NKAIN3: variants seen among roughly 807,000 people sequenced by gnomAD.
NKAIN3 encodes the protein sodium/potassium-transporting ATPase subunit beta-1-interacting protein 3.
A neutral mutation model predicts 30.2 loss-of-function variants in NKAIN3; 25 were observed. That is an observed-to-expected ratio of 0.83 (90% CI 0.60 to 1.16). The LOEUF (loss-of-function observed/expected upper bound fraction) is 1.16, where lower values mean the gene tolerates loss of function less well. Among genes scored for constraint, NKAIN3 ranks in the 50% most tolerant of loss-of-function variants. NKAIN3 has a pLI of 0.00. For synonymous variants in NKAIN3, 91 were observed against 89.6 expected, an observed-to-expected ratio of 1.02 and a Z score of -0.09; for missense variants, 225 against 254.1, an observed-to-expected ratio of 0.89 and a Z score of 0.78.
intron 3 of NKAIN3, among the ~76,000 whole-genome samples, chr8:62,674,666 A>G (rs1813416523): frequency 6.6e-6 from 1 of 152,132 alleles, no homozygotes; most frequent in Admixed American, 6.6e-5. Flanking sequence ...GTAGATTTTG[A>G]TTGGACATGA....
In NKAIN3 at chr8:62,392,268, A is replaced by T. The variant is rs1167937288; in HGVS notation, c.54+143141A>T. 2.0e-5 allele frequency among the ~76,000 whole-genome samples: 3 copies of T among 152,066 alleles called. No individual in the cohort carries two copies. The East Asian group carries it at 5.8e-4, about 29-fold the overall frequency. ...CACAGTAATTTAAAACCAAATAAAC[A>T]TGTAACAAAGGGAAATATATTTATT... On this transcript the variant is annotated intron_variant, in intron 1 of 6. Transcript: ENST00000623646.
At chr8:62,596,822 G>C (rs1255271682) in intron 3 of NKAIN3, among the ~76,000 whole-genome samples, 1 of 152,060 alleles carries the variant, frequency 6.6e-6, no homozygotes, top group Non-Finnish European at 1.5e-5. Flanking sequence ...GCAATTACTT[G>C]TTGACAGTTA....
At chr8:62,399,004 T>C (rs1017855635) in intron 1 of NKAIN3, among the ~76,000 whole-genome samples, 7 of 152,068 alleles carry the variant, frequency 4.6e-5, no homozygotes, top group Non-Finnish European at 8.8e-5. Context: ...GGCAGGAGAA[T>C]CACTTGAACC....
intron 1 of NKAIN3, among the ~76,000 whole-genome samples, chr8:62,363,216 C>T (rs1057363407): frequency 4.6e-5 from 7 of 152,164 alleles, no homozygotes; most frequent in Admixed American, 1.3e-4. Context: ...TACTTGGTAA[C>T]GCTGTTACCC....
intron 1 of NKAIN3, among the ~76,000 whole-genome samples, chr8:62,453,948 G>A (rs1805729320): frequency 1.3e-5 from 2 of 152,020 alleles, no homozygotes; most frequent in South Asian, 4.1e-4. Context: ...CACCTTCCTT[G>A]TATAAGGAAG....
chr8:62,937,257 T>G (rs1180089935), intron 5 of NKAIN3, among the ~76,000 whole-genome samples: 2 of 152,112 alleles, frequency 1.3e-5, no homozygotes, highest in African/African-American at 4.8e-5. Context: ...CAAGAACTAC[T>G]GCAGGAACAT....
intron 3 of NKAIN3, among the ~76,000 whole-genome samples, chr8:62,632,619 C>T (rs2130270431): frequency 6.6e-6 from 1 of 152,176 alleles, no homozygotes; most frequent in East Asian, 1.9e-4. Context: ...TCTCCTTCCT[C>T]AGCCTCCCGA....
At chr8:62,867,776 T>G (rs1820473751) in intron 4 of NKAIN3, among the ~76,000 whole-genome samples, 1 of 152,246 alleles carries the variant, frequency 6.6e-6, no homozygotes, top group South Asian at 2.1e-4. Context: ...ATATGACATA[T>G]TTTTCATAAC....
At chr8:62,345,920 C>T (rs1342706971) in intron 1 of NKAIN3, among the ~76,000 whole-genome samples, 1 of 151,974 alleles carries the variant, frequency 6.6e-6, no homozygotes, top group East Asian at 1.9e-4. Flanking sequence ...TCATTTGCGG[C>T]AACATAGATG....
chr8:62,358,171 T>A (rs938588307), intron 1 of NKAIN3, among the ~76,000 whole-genome samples: 2 of 151,764 alleles, frequency 1.3e-5, no homozygotes, highest in African/African-American at 4.8e-5. Flanking sequence ...ATTATGTCAC[T>A]GATAGTTTTA....
chr8:62,390,122 T>C (rs1475453508), intron 1 of NKAIN3, among the ~76,000 whole-genome samples: 1 of 152,162 alleles, frequency 6.6e-6, no homozygotes, highest in Non-Finnish European at 1.5e-5. Flanking sequence ...TGGGGTTTTT[T>C]GTGCAATTAT....
chr8:62,674,304 T>C (rs1170652406), intron 3 of NKAIN3, among the ~76,000 whole-genome samples: 2 of 152,176 alleles, frequency 1.3e-5, no homozygotes, highest in Non-Finnish European at 2.9e-5. Context: ...CCAGGTGAAC[T>C]TATGCAAAAA....
chr8:62,486,932 C>T (rs1353139656), intron 1 of NKAIN3, among the ~76,000 whole-genome samples: 1 of 152,122 alleles, frequency 6.6e-6, no homozygotes, highest in African/African-American at 2.4e-5. Flanking sequence ...GATGGCCCAA[C>T]GAAGTGGAAG....
At chr8:62,796,832 A>ACTGTT (rs2130684248) in intron 4 of NKAIN3, among the ~76,000 whole-genome samples, 1 of 150,638 alleles carries the variant, frequency 6.6e-6, no homozygotes, top group South Asian at 2.1e-4. Flanking sequence ...TCATGAACAC[A>ACTGTT]CATTGAGCTT....
chr8:62,293,102 T>C (rs1040063119), intron 1 of NKAIN3, among the ~76,000 whole-genome samples: 3 of 152,228 alleles, frequency 2.0e-5, no homozygotes, highest in African/African-American at 7.2e-5. Flanking sequence ...AGGACTTCTC[T>C]ACACTGTTTA....
chr8:62,478,462 A>G (rs969343397), intron 1 of NKAIN3, among the ~76,000 whole-genome samples: 2 of 152,194 alleles, frequency 1.3e-5, no homozygotes, highest in Non-Finnish European at 2.9e-5. Flanking sequence ...TATAATTCAC[A>G]GAAGAACTGA....
intron 1 of NKAIN3, among the ~76,000 whole-genome samples, chr8:62,544,923 G>T (rs1214137025): frequency 1.3e-5 from 2 of 152,100 alleles, no homozygotes; most frequent in Non-Finnish European, 2.9e-5. Context: ...ATAAACTGGA[G>T]AAAAGAGAAT....
chr8:62,313,381 T>G, intron 1 of NKAIN3, among the ~76,000 whole-genome samples: 1 of 151,942 alleles, frequency 6.6e-6, no homozygotes, highest in Non-Finnish European at 1.5e-5. Context: ...CATTCTTCTT[T>G]CAGAATCCTA....
chr8:62,672,726 ACT>A (rs1813345389), intron 3 of NKAIN3, among the ~76,000 whole-genome samples: 1 of 151,706 alleles, frequency 6.6e-6, no homozygotes, highest in African/African-American at 2.4e-5. Context: ...TTCCTGAATG[ACT>A]CTTTTATTCT....
Sources: gnomAD v4.1 joint callset for allele counts (sites outside exome capture counted in the v4.1 genomes callset) on GRCh38, gnomAD v4.1.1 for gene constraint, MANE v1.5 for transcripts, NCBI Gene and HGNC (gene_info 2026-07-23, HGNC 2026-07-21) for gene names.